ENPEP: variants seen among roughly 807,000 people sequenced by gnomAD.
The protein encoded by ENPEP is glutamyl aminopeptidase.
Under a neutral mutation model 114.5 loss-of-function variants are expected in ENPEP, and 103 were observed. The ratio of observed to expected loss-of-function variants is 0.90; its 90% CI spans 0.77 to 1.06. The LOEUF is 1.06. Among genes scored for constraint, ENPEP ranks in the 50% least tolerant of loss-of-function variants. The pLI is 0.00. For synonymous variants in ENPEP, 420 were observed against 422.0 expected, an observed-to-expected ratio of 1.00 and a Z score of 0.06; for missense variants, 1,196 against 1,161.3, an observed-to-expected ratio of 1.03 and a Z score of -0.43.
intron 1 of ENPEP, among the ~76,000 whole-genome samples, chr4:110,479,531 T>A (rs1339439954): frequency 6.6e-6 from 1 of 152,134 alleles, no homozygotes; most frequent in Admixed American, 6.5e-5. Flanking sequence ...TGTGTATGCA[T>A]GTGTGTGTGT....
At chr4:110,541,632 A>G (rs1232202245) in intron 11 of ENPEP, among the ~76,000 whole-genome samples, 2 of 151,918 alleles carry the variant, frequency 1.3e-5, no homozygotes, top group Non-Finnish European at 2.9e-5. Flanking sequence ...TGAGCATGCT[A>G]TTTTTCTGCT....
chr4:110,487,502 G>A (rs1353429427), intron 1 of ENPEP, among the ~76,000 whole-genome samples: 1 of 152,188 alleles, frequency 6.6e-6, no homozygotes, highest in Non-Finnish European at 1.5e-5. Flanking sequence ...GCAAATGTGT[G>A]CATGCATGCA....
intron 5 of ENPEP, 45 bp from the exon 6 acceptor site, chr4:110,510,200 A>G (rs1725523007): frequency 5.3e-6 from 8 of 1,507,142 alleles, no homozygotes; most frequent in South Asian, 4.5e-5. Flanking sequence ...CCTCTCTACC[A>G]TACCCATAAG....
At chr4:110,558,728 GA>G (rs1333690573) in intron 18 of ENPEP, among the ~76,000 whole-genome samples, 1 of 152,156 alleles carries the variant, frequency 6.6e-6, no homozygotes, top group Non-Finnish European at 1.5e-5. Flanking sequence ...GTTGTGATGA[GA>G]TTTTTTTTAC....
At chr4:110,514,945 C>T (rs1725707031) in intron 7 of ENPEP, among the ~76,000 whole-genome samples, 1 of 152,000 alleles carries the variant, frequency 6.6e-6, no homozygotes, top group African/African-American at 2.4e-5. Flanking sequence ...TATCTACTTC[C>T]CTCTGCTAAA....
At chr4:110,510,030 A>G (rs1725516886) in intron 5 of ENPEP, among the ~76,000 whole-genome samples, 1 of 152,178 alleles carries the variant, frequency 6.6e-6, no homozygotes, top group Admixed American at 6.5e-5. Flanking sequence ...AAATTTATGT[A>G]CCCCAGTAAT....
chr4:110,494,339 G>C (rs1214504282), intron 3 of ENPEP, among the ~76,000 whole-genome samples: 1 of 152,114 alleles, frequency 6.6e-6, no homozygotes, highest in Non-Finnish European at 1.5e-5. Context: ...TGTACCACCT[G>C]TACCCAAAGT....
At chr4:110,498,191 T>TA (rs1164997957) in intron 3 of ENPEP, among the ~76,000 whole-genome samples, 1 of 152,166 alleles carries the variant, frequency 6.6e-6, no homozygotes, top group Non-Finnish European at 1.5e-5. Flanking sequence ...GTGCACCAGA[T>TA]ACAGTCACCA....
At chr4:110,508,186 C>T (rs537842565) in intron 4 of ENPEP, among the ~76,000 whole-genome samples, 2 of 149,848 alleles carry the variant, frequency 1.3e-5, no homozygotes, top group South Asian at 2.1e-4. Context: ...ATATCTTAGA[C>T]TCCTTAGAGG....
At chr4:110,544,185 A>G (rs1726961833) in intron 13 of ENPEP, among the ~76,000 whole-genome samples, 1 of 152,130 alleles carries the variant, frequency 6.6e-6, no homozygotes, top group South Asian at 2.1e-4. Context: ...TATAGTCTTA[A>G]GTAAGTCTCT....
intron 3 of ENPEP, among the ~76,000 whole-genome samples, chr4:110,505,533 G>A (rs958285144): frequency 6.6e-6 from 1 of 152,166 alleles, no homozygotes; most frequent in South Asian, 2.1e-4. Context: ...TCTAGGAAAA[G>A]GTGGTTCAAG....
At chr4:110,546,276 G>A (rs1306776560) in intron 13 of ENPEP, among the ~76,000 whole-genome samples, 1 of 151,876 alleles carries the variant, frequency 6.6e-6, no homozygotes, top group African/African-American at 2.4e-5. Flanking sequence ...ACTTAGTCTT[G>A]GGGCCTTGCC....
At chr4:110,518,657 C>A (rs1725869363) in intron 8 of ENPEP, among the ~76,000 whole-genome samples, 1 of 152,178 alleles carries the variant, frequency 6.6e-6, no homozygotes, top group Non-Finnish European at 1.5e-5. Context: ...ATGAAAACCA[C>A]ACACACTGAT....
intron 14 of ENPEP, among the ~76,000 whole-genome samples, chr4:110,548,826 G>A (rs1331618663): frequency 1.3e-5 from 2 of 151,924 alleles, no homozygotes; most frequent in Admixed American, 6.6e-5. Flanking sequence ...GACAAATTCT[G>A]GATTCAAATC....
rs1443713832 is a variant in ENPEP, at chr4:110,481,649, C to T, written c.644+4591C>T. ...AGCCTAACTTCCACCAATAACATCT[C>T]TACATTCCCACTTAGGGTGAAAATT... On this transcript the variant is annotated intron_variant, in intron 1 of 19. Coordinates refer to ENST00000265162, the MANE Select transcript of ENPEP (RefSeq NM_001977.4). 2.0e-5 allele frequency among the ~76,000 whole-genome samples: 3 copies of T among 152,322 alleles called. No homozygotes were observed. The East Asian group carries it at 5.8e-4, about 29-fold the overall frequency.
At chr4:110,549,489 T>G (rs1299479234) in intron 15 of ENPEP, 39 bp from the exon 16 acceptor site, 1 of 1,612,642 alleles carries the variant, frequency 6.2e-7, no homozygotes, top group Non-Finnish European at 8.5e-7. Flanking sequence ...TGTTGAAAAG[T>G]GCTTAAGGCC....
chr4:110,506,806 T>TA (rs1229583550), intron 4 of ENPEP, 49 bp downstream of exon 4: 1 of 1,355,354 alleles, frequency 7.4e-7, no homozygotes, highest in Non-Finnish European at 1.0e-6. Flanking sequence ...CCTTTGTTTT[T>TA]ATCTAAGTTA....
intron 3 of ENPEP, among the ~76,000 whole-genome samples, chr4:110,505,149 C>T (rs1725327181): frequency 6.6e-6 from 1 of 152,108 alleles, no homozygotes; most frequent in South Asian, 2.1e-4. Context: ...ACGGTTAATT[C>T]CCTTTACTCT....
At position 110,493,858 on chromosome 4, in the gene ENPEP, C is replaced by T. The variant is rs112886304; in HGVS notation, c.918+2694C>T. ...AACATCAGAGGAAACTCACACCAGC[C>T]TCAGAGTCCTACATTCTTAGAACTT... On this transcript the variant is annotated intron_variant, in intron 3 of 19. Coordinates refer to ENST00000265162, the MANE Select transcript of ENPEP (RefSeq NM_001977.4). Among the ~76,000 whole-genome samples, 185 of 152,258 alleles carry T rather than the reference C, an allele frequency of 1.2e-3. 2 individuals are homozygous for T. Among genetic ancestry groups the T allele is most frequent in the African/African-American group, 4.2e-3 (176 of 41,538 alleles).
Sources: gnomAD v4.1 joint callset for allele counts (sites outside exome capture counted in the v4.1 genomes callset) on GRCh38, gnomAD v4.1.1 for gene constraint, MANE v1.5 for transcripts, NCBI Gene and HGNC (gene_info 2026-07-23, HGNC 2026-07-21) for gene names.